DYNC2I1: variants seen among roughly 807,000 people sequenced by gnomAD.
The protein encoded by DYNC2I1 is cytoplasmic dynein 2 intermediate chain 1.
In DYNC2I1, 89 loss-of-function variants were observed where a neutral mutation model predicts 133.4. The ratio of observed to expected loss-of-function variants is 0.67; its 90% CI spans 0.56 to 0.80. The LOEUF is 0.80. DYNC2I1 is among the 30% of genes least tolerant of loss of function. The pLI, the probability that DYNC2I1 is intolerant of heterozygous loss-of-function variation, is 0.00. For synonymous variants in DYNC2I1, 504 were observed against 484.3 expected (o/e 1.04, Z -0.54); for missense variants, 1,291 against 1,314.5 (o/e 0.98, Z 0.28).
At chr7:158,882,279 C>CA (rs538690431) in intron 5 of DYNC2I1, among the ~76,000 whole-genome samples, 62 of 150,786 alleles carry the variant, frequency 4.1e-4, no homozygotes, top group East Asian at 1.2e-3. Flanking sequence ...AAAGAACTAC[C>CA]AAAAAAAAAC....
chr7:158,953,199 A>G (rs2527211), intron 4 of DYNC2I1, among the ~76,000 whole-genome samples: 2,035 of 34,078 alleles, frequency 0.06, 120 homozygotes, highest in South Asian at 0.12. Flanking sequence ...CTCCTCTCCT[A>G]AATTGAGTGA....
intron 1 of DYNC2I1, among the ~76,000 whole-genome samples, chr7:158,864,648 T>A (rs1842240731): frequency 6.6e-6 from 1 of 151,846 alleles, no homozygotes; most frequent in African/African-American, 2.4e-5. Flanking sequence ...TAGCTGGGAC[T>A]GCGGTTGAAT....
At chr7:158,902,870 A>G in intron 10 of DYNC2I1, 2 of 408,184 alleles carry the variant, frequency 4.9e-6, no homozygotes, top group Non-Finnish European at 8.8e-6. Flanking sequence ...CCGTGGCCCC[A>G]CTCAGTGAGC....
At chr7:158,880,924 A>G (rs948494415) in intron 5 of DYNC2I1, among the ~76,000 whole-genome samples, 2 of 152,188 alleles carry the variant, frequency 1.3e-5, no homozygotes, top group Non-Finnish European at 2.9e-5. Context: ...GTCAGGTGGT[A>G]TCTGAGGCTA....
upstream of DYNC2I1, among the ~76,000 whole-genome samples, chr7:158,853,158 G>A (rs1841093202): frequency 6.6e-6 from 1 of 152,194 alleles, no homozygotes; most frequent in Non-Finnish European, 1.5e-5. Context: ...CAAAAGCTTG[G>A]TGGCCACTGG....
At chr7:158,922,637 G>C (rs1849217258) in intron 16 of DYNC2I1, 88 bp downstream of exon 16, 4 of 1,328,280 alleles carry the variant, frequency 3.0e-6, no homozygotes, top group Non-Finnish European at 2.1e-6. Context: ...GTCACGGAGA[G>C]AGGTGCAGGG....
At chr7:158,842,497 C>T in the DYNC2I1 span, among the ~76,000 whole-genome samples, 2 of 152,224 alleles carry the variant, frequency 1.3e-5, no homozygotes, top group Admixed American at 1.3e-4. Context: ...AGCTAATTAG[C>T]CTTTCTGGCC....
At chr7:158,870,023 G>T in intron 2 of DYNC2I1, 115 bp downstream of exon 2, 2 of 844,408 alleles carry the variant, frequency 2.4e-6, no homozygotes, top group Non-Finnish European at 3.7e-6. Flanking sequence ...CCTCATTTCA[G>T]AAGTACTTTG....
At chr7:158,905,007 A>G (rs1451947125) in intron 10 of DYNC2I1, 1 of 298,464 alleles carries the variant, frequency 3.4e-6, no homozygotes, top group Admixed American at 4.7e-5. Flanking sequence ...ATAAATATAC[A>G]AACAAATAAA....
At chr7:158,954,441 T>C (rs375137948) in intron 4 of DYNC2I1, among the ~76,000 whole-genome samples, 74 of 152,300 alleles carry the variant, frequency 4.9e-4, no homozygotes, top group African/African-American at 1.6e-3. Context: ...GTCTAGGAGC[T>C]CAAGACCAGC....
chr7:158,943,678 G>A (rs1442694462), intron 24 of DYNC2I1, among the ~76,000 whole-genome samples: 1 of 150,730 alleles, frequency 6.6e-6, no homozygotes, highest in Non-Finnish European at 1.5e-5. Context: ...GACTCCAAAC[G>A]TGGCTCATAG....
chr7:158,862,977 C>G (rs916248957), intron 1 of DYNC2I1, among the ~76,000 whole-genome samples: 2 of 152,062 alleles, frequency 1.3e-5, no homozygotes, highest in African/African-American at 2.4e-5. Flanking sequence ...AGTGAAGCCC[C>G]AGACCTTTGC....
intron 4 of DYNC2I1, among the ~76,000 whole-genome samples, chr7:158,955,751 T>C (rs1260013615): frequency 6.6e-6 from 1 of 152,230 alleles, no homozygotes; most frequent in Admixed American, 6.5e-5. Flanking sequence ...TGCTTTTTAA[T>C]GTCCTGCCCA....
rs1196086690 is a variant in DYNC2I1, at chr7:158,926,116, C to A, written c.2258-71C>A. 2.1e-5 allele frequency: 26 copies of A among 1,217,284 alleles called. No homozygotes were observed. In the Admixed American group the frequency reaches 5.1e-4, roughly 24 times the overall value. The allele number at this position is 1,217,284 out of a possible 1,614,324, so 75.4% of individuals were successfully genotyped here. ...GACCCAGAAGCACCTCGTGTTTGTC[C>A]CTGTGTGATGCGAACTGCATTTCTT... On this transcript the variant is annotated intron_variant, in intron 17 of 24. Coordinates refer to ENST00000407559, the MANE Select transcript of DYNC2I1 (RefSeq NM_018051.5).
intron 24 of DYNC2I1, among the ~76,000 whole-genome samples, chr7:158,942,423 C>T (rs961427190): frequency 1.3e-5 from 2 of 152,178 alleles, no homozygotes; most frequent in African/African-American, 4.8e-5. Flanking sequence ...CGGGCCTGTT[C>T]CCACACCACC....
intron 11 of DYNC2I1, among the ~76,000 whole-genome samples, chr7:158,909,456 G>A (rs756824515): frequency 6.6e-6 from 1 of 151,844 alleles, no homozygotes; most frequent in South Asian, 2.1e-4. Flanking sequence ...ATGAAATATA[G>A]GTATCAAAAC....
rs1335354515 is a variant in DYNC2I1 at position 158,871,414 on chromosome 7, T to C, written c.342T>C (p.Ser114=). 6.4e-7 allele frequency: 1 copy of C among 1,551,356 alleles called. No individual in the cohort carries two copies. Among genetic ancestry groups the C allele is most frequent in the African/African-American group, 1.4e-5 (1 of 73,026 alleles). Residue 114 remains serine, a synonymous_variant, in exon 3 of 25, where the codon TCT becomes TCC. Coordinates refer to ENST00000407559, the MANE Select transcript of DYNC2I1 (RefSeq NM_018051.5). ...AGAAACATCGAGAGGCAGAAAAGTCTCACAGCAGAGGAAAGGACAGGGAAA... is the reference window on the plus strand; with the variant it reads ...AGAAACATCGAGAGGCAGAAAAGTCCCACAGCAGAGGAAAGGACAGGGAAA... ...LKEKHREAEK[S]HSRGKDREKE...
intron 21 of DYNC2I1, among the ~76,000 whole-genome samples, chr7:158,931,472 C>T (rs2730243): frequency 0.48 from 73,130 of 152,052 alleles, 18,226 homozygotes; most frequent in Non-Finnish European, 0.54. Flanking sequence ...TATTGCAGAG[C>T]CAAACATACA....
chr7:158,887,768 T>G (rs1033747103), intron 7 of DYNC2I1, among the ~76,000 whole-genome samples: 2 of 152,206 alleles, frequency 1.3e-5, no homozygotes, highest in Non-Finnish European at 2.9e-5. Context: ...AGACACTTGT[T>G]ACTAACACAC....
Sources: allele counts gnomAD v4.1 joint callset (sites outside exome capture counted in the v4.1 genomes callset), GRCh38; gene constraint gnomAD v4.1.1; transcripts MANE v1.5; gene names NCBI Gene and HGNC (gene_info 2026-07-23, HGNC 2026-07-21).